PPP1R14C: variants seen among roughly 807,000 people sequenced by gnomAD.
The protein encoded by PPP1R14C is protein phosphatase 1 regulatory inhibitor subunit 14C.
Under a neutral mutation model 20.4 loss-of-function variants are expected in PPP1R14C, and 16 were observed. The ratio of observed to expected loss-of-function variants is 0.78; its 90% confidence interval spans 0.53 to 1.19. PPP1R14C has a LOEUF of 1.19. PPP1R14C is among the 50% of genes most tolerant of loss of function. The pLI is 0.00. For synonymous variants in PPP1R14C, 91 were observed against 91.0 expected (o/e 1.00, Z 0.00); for missense variants, 211 against 220.1 (o/e 0.96, Z 0.26).
At chr6:150,245,127 C>G (rs913047485) in intron 3 of PPP1R14C, among the ~76,000 whole-genome samples, 2 of 152,214 alleles carry the variant, frequency 1.3e-5, no homozygotes, top group Non-Finnish European at 2.9e-5. Flanking sequence ...CCCCTCCCCG[C>G]CACACCCTAC....
intron 1 of PPP1R14C, among the ~76,000 whole-genome samples, chr6:150,203,147 T>C (rs1174434019): frequency 6.6e-6 from 1 of 152,208 alleles, no homozygotes; most frequent in East Asian, 1.9e-4. Flanking sequence ...TGTGTGATGA[T>C]ATAGATGCAC....
In PPP1R14C at chr6:150,158,558, A is replaced by T. The variant is rs567459305; in HGVS notation, c.306+15060A>T. On this transcript the variant is annotated intron_variant, in intron 1 of 3. Transcript: ENST00000361131. Reference sequence around the variant, plus strand: ...ACTCTTTTTTCATAGGGTATCTTTTATATGTACCTAGAAAAGAGATTTGGA... The same window carrying T: ...ACTCTTTTTTCATAGGGTATCTTTTTTATGTACCTAGAAAAGAGATTTGGA... Among the ~76,000 whole-genome samples, 19 of 152,362 alleles carry T rather than the reference A, an allele frequency of 1.2e-4. No homozygotes were observed. The East Asian group carries it at 3.7e-3, about 29-fold the overall frequency.
chr6:150,213,494 A>G (rs1778053446), intron 1 of PPP1R14C, among the ~76,000 whole-genome samples: 1 of 152,192 alleles, frequency 6.6e-6, no homozygotes, highest in Admixed American at 6.5e-5. Flanking sequence ...AGACACAGAG[A>G]GGCCACACCC....
chr6:150,169,200 T>C (rs550296629), intron 1 of PPP1R14C, among the ~76,000 whole-genome samples: 8 of 152,312 alleles, frequency 5.3e-5, no homozygotes, highest in Non-Finnish European at 7.4e-5. Flanking sequence ...ATCAATAAGA[T>C]ATTTTACACT....
chr6:150,169,950 T>C (rs890551782), intron 1 of PPP1R14C, among the ~76,000 whole-genome samples: 2 of 152,254 alleles, frequency 1.3e-5, no homozygotes, highest in African/African-American at 4.8e-5. Context: ...CTCTTCAGCA[T>C]ACAGGCTTTT....
chr6:150,247,425 C>G (rs1426446784), intron 3 of PPP1R14C, among the ~76,000 whole-genome samples: 2 of 152,122 alleles, frequency 1.3e-5, no homozygotes, highest in Non-Finnish European at 2.9e-5. Context: ...CAGGAGGCAA[C>G]AATGAGAGAT....
At chr6:150,237,210 T>C (rs753236149) in intron 3 of PPP1R14C, among the ~76,000 whole-genome samples, 1 of 152,164 alleles carries the variant, frequency 6.6e-6, no homozygotes, top group South Asian at 2.1e-4. Flanking sequence ...ATATTCTTTT[T>C]TTTTGTTGTT....
chr6:150,143,632 C>T lies in PPP1R14C; in HGVS notation c.306+134C>T. 3 of 667,360 alleles carry T rather than the reference C, an allele frequency of 4.5e-6. No homozygotes were observed. Among genetic ancestry groups the T allele is most frequent in the South Asian group, 3.9e-5 (2 of 51,230 alleles). 41.3% of individuals were successfully genotyped at this position (667,360 alleles called of 1,614,324 possible). A position where few individuals can be genotyped will look rare whatever the true frequency, so the allele number is the denominator to read the frequency against. Reference sequence around the variant, plus strand: ...GGGACCAAGTGCCAGGAGCGAGGCGCGGCGCCTTCTCTCCCCCGCGGTGCC... The same window carrying T: ...GGGACCAAGTGCCAGGAGCGAGGCGTGGCGCCTTCTCTCCCCCGCGGTGCC... On this transcript the variant is annotated intron_variant, in intron 1 of 3. Coordinates refer to ENST00000361131, the MANE Select transcript of PPP1R14C (RefSeq NM_030949.3). The surrounding 1 kb of genome is among the most constrained non-coding windows in gnomAD (Gnocchi z 5.6).
intron 2 of PPP1R14C, among the ~76,000 whole-genome samples, chr6:150,215,707 T>A (rs1382520436): frequency 6.6e-6 from 1 of 152,226 alleles, no homozygotes; most frequent in Non-Finnish European, 1.5e-5. Context: ...ATAACGCAGG[T>A]ATCAGTTCTA....
intron 1 of PPP1R14C, among the ~76,000 whole-genome samples, chr6:150,213,685 G>A (rs1398072026): frequency 6.6e-6 from 1 of 152,232 alleles, no homozygotes; most frequent in Non-Finnish European, 1.5e-5. Context: ...GCTATTCTGA[G>A]AGGTATAGAG....
In PPP1R14C at chr6:150,167,056, C is replaced by T. The variant is rs558712150; in HGVS notation, c.306+23558C>T. ...AAACAGCCTGGCCAACATGGTGAAA[C>T]CTCATCTCTACTAAAAATACAAACA... On this transcript the variant is annotated intron_variant, in intron 1 of 3. Transcript: ENST00000361131. 1.7e-4 allele frequency among the ~76,000 whole-genome samples: 25 copies of T among 151,412 alleles called. 1 individual carries two copies. The South Asian group carries it at 5.3e-3, about 32-fold the overall frequency.
chr6:150,248,114 C>T (rs559703936), intron 3 of PPP1R14C, among the ~76,000 whole-genome samples: 3 of 152,116 alleles, frequency 2.0e-5, no homozygotes, highest in African/African-American at 7.2e-5. Flanking sequence ...AGTCACCAGT[C>T]CCATCTTGGG....
intron 3 of PPP1R14C, among the ~76,000 whole-genome samples, chr6:150,243,364 G>T (rs1189867474): frequency 1.3e-5 from 2 of 151,908 alleles, no homozygotes; most frequent in Non-Finnish European, 2.9e-5. Context: ...TTTTAGTAGA[G>T]ACAGGGTTTC....
rs1777151714 is a variant in PPP1R14C at position 150,143,803 on chromosome 6, G to A, written c.306+305G>A. On this transcript the variant is annotated intron_variant, in intron 1 of 3. Transcript: ENST00000361131. This position sits in a 1 kb window ranked among gnomAD's most constrained non-coding sequence, Gnocchi z 5.6. ...TTCTCCGAGCTCCGGGCGCCTCTGGGCTCCAGCTGCAGCTGCGCAAAGCGG... is the reference window on the plus strand; with the variant it reads ...TTCTCCGAGCTCCGGGCGCCTCTGGACTCCAGCTGCAGCTGCGCAAAGCGG... 3.3e-5 allele frequency among the ~76,000 whole-genome samples: 5 copies of A among 152,252 alleles called. No homozygotes were observed. In the South Asian group the frequency reaches 8.3e-4, roughly 25 times the overall value.
chr6:150,164,217 A>G (rs1391587469), intron 1 of PPP1R14C, among the ~76,000 whole-genome samples: 3 of 152,164 alleles, frequency 2.0e-5, no homozygotes, highest in Non-Finnish European at 4.4e-5. Flanking sequence ...TTTCAAAGAG[A>G]AAAAACAACA....
At chr6:150,214,694 C>A in intron 1 of PPP1R14C, 50 bp from the exon 2 acceptor site, 2 of 1,376,634 alleles carry the variant, frequency 1.5e-6, no homozygotes, top group South Asian at 2.3e-5. Context: ...GGGGTACAGT[C>A]AGGTTTCTTA....
chr6:150,225,070 G>A (rs115590070), intron 3 of PPP1R14C, among the ~76,000 whole-genome samples: 2,508 of 151,928 alleles, frequency 0.017, 70 homozygotes, highest in African/African-American at 0.057. Flanking sequence ...AGGTCACTCA[G>A]GCTCTACTAA....
intron 3 of PPP1R14C, among the ~76,000 whole-genome samples, chr6:150,233,069 G>T (rs1778312497): frequency 1.3e-5 from 2 of 152,142 alleles, no homozygotes; most frequent in African/African-American, 4.8e-5. Context: ...GGAGATCTTT[G>T]GTAGCCCCAG....
At chr6:150,238,810 G>T (rs940665922) in intron 3 of PPP1R14C, among the ~76,000 whole-genome samples, 1 of 152,226 alleles carries the variant, frequency 6.6e-6, no homozygotes, top group Admixed American at 6.5e-5. Flanking sequence ...TCAAACATTT[G>T]CTTGGTGATC....
Sources: gnomAD v4.1 joint callset for allele counts (sites outside exome capture counted in the v4.1 genomes callset) on GRCh38, gnomAD v4.1.1 for gene constraint, Gnocchi (gnomAD v3.1) non-coding constraint, MANE v1.5 for transcripts, NCBI Gene and HGNC (gene_info 2026-07-23, HGNC 2026-07-21) for gene names.